Variants in AHCY observed in about 807,000 individuals in gnomAD.
AHCY encodes the protein S-adenosyl-L-homocysteine hydrolase.
AHCY carries 24 observed loss-of-function variants against 45.4 expected under a neutral mutation model. The ratio of observed to expected loss-of-function variants is 0.53; its 90% confidence interval spans 0.38 to 0.74. The LOEUF (loss-of-function observed/expected upper bound fraction) is 0.74. AHCY is among the 30% of genes least tolerant of loss of function. The probability of loss-of-function intolerance (pLI) is 0.00; values close to 1 mark genes in which losing one functional copy is unlikely to be tolerated. For missense variants in AHCY, 449 were observed against 594.1 expected (o/e 0.76, Z 2.54); for synonymous variants, 245 against 235.1 (o/e 1.04, Z -0.39).
chr20:34,305,919 T>C (rs1390286729), upstream of AHCY, among the ~76,000 whole-genome samples: 1 of 151,752 alleles, frequency 6.6e-6, no homozygotes, highest in African/African-American at 2.4e-5. Flanking sequence ...CTGTATCTAC[T>C]AAAAATACAA....
intron 1 of AHCY, among the ~76,000 whole-genome samples, chr20:34,309,954 G>A (rs2036931833): frequency 6.6e-6 from 1 of 151,736 alleles, no homozygotes; most frequent in African/African-American, 2.4e-5. Context: ...GGGAAGGGAA[G>A]GAAGGAAACA....
At chr20:34,249,306 C>T in the AHCY span, among the ~76,000 whole-genome samples, 2 of 151,724 alleles carry the variant, frequency 1.3e-5, no homozygotes, top group East Asian at 1.9e-4. Context: ...TCCCATCCCC[C>T]GCCCCCAATC....
At chr20:34,297,489 G>A (rs1373259004) in intron 1 of AHCY, among the ~76,000 whole-genome samples, 1 of 151,800 alleles carries the variant, frequency 6.6e-6, no homozygotes, top group Non-Finnish European at 1.5e-5. Flanking sequence ...GAGGAGACGG[G>A]GTTTCACCAT....
At chr20:34,236,415 G>A in the AHCY span, among the ~76,000 whole-genome samples, 29 of 152,148 alleles carry the variant, frequency 1.9e-4, no homozygotes, top group African/African-American at 4.1e-4. Context: ...ATGGTGGTGC[G>A]TGTCTGTAAT....
chr20:34,269,759 A>G, the AHCY span, among the ~76,000 whole-genome samples: 1 of 151,936 alleles, frequency 6.6e-6, no homozygotes, highest in Non-Finnish European at 1.5e-5. Context: ...ATCCTGACCA[A>G]TATGGAGAAA....
At chr20:34,275,042 T>C in the AHCY span, among the ~76,000 whole-genome samples, 1 of 151,594 alleles carries the variant, frequency 6.6e-6, no homozygotes, top group African/African-American at 2.4e-5. Flanking sequence ...AGCTGCACCA[T>C]GAAGGGATTG....
intron 3 of AHCY, 42 bp downstream of exon 3, chr20:34,294,039 T>C: frequency 1.9e-6 from 3 of 1,592,866 alleles, no homozygotes; most frequent in Non-Finnish European, 2.6e-6. Context: ...GAGGGCAGAA[T>C]CCCTTCACAA....
At chr20:34,277,319 T>C (rs2122701691), downstream of AHCY, among the ~76,000 whole-genome samples, 1 of 152,268 alleles carries the variant, frequency 6.6e-6, no homozygotes, top group African/African-American at 2.4e-5. Flanking sequence ...TTTCTCCACA[T>C]ACAAATGCTG....
chr20:34,263,911 T>C, the AHCY span, among the ~76,000 whole-genome samples: 2 of 152,108 alleles, frequency 1.3e-5, no homozygotes, highest in African/African-American at 4.8e-5. Flanking sequence ...CCTCAGGTGA[T>C]CCACCTGCCT....
chr20:34,252,714 A>T, the AHCY span, among the ~76,000 whole-genome samples: 1 of 151,784 alleles, frequency 6.6e-6, no homozygotes, highest in Non-Finnish European at 1.5e-5. Context: ...GGGTTGGGGG[A>T]TGGTAAGGTC....
At chr20:34,285,246 G>A (rs893077590) in intron 9 of AHCY, among the ~76,000 whole-genome samples, 194 bp downstream of exon 9, 5 of 152,156 alleles carry the variant, frequency 3.3e-5, no homozygotes, top group Non-Finnish European at 7.3e-5. Flanking sequence ...CTGTGCTCCA[G>A]GGAGCCACTC....
the AHCY span, chr20:34,260,680 C>A: frequency 1.0e-6 from 1 of 975,200 alleles, no homozygotes; most frequent in Non-Finnish European, 1.5e-6. Flanking sequence ...AATAAGGTGG[C>A]CCTTGACTCA....
At chr20:34,248,027 GA>G in the AHCY span, among the ~76,000 whole-genome samples, 1 of 152,152 alleles carries the variant, frequency 6.6e-6, no homozygotes, top group Non-Finnish European at 1.5e-5. Context: ...CCAACATGGT[GA>G]AACACTGTCG....
At chr20:34,285,820 C>A (rs543522473) in intron 8 of AHCY, among the ~76,000 whole-genome samples, 186 bp from the exon 9 acceptor site, 3 of 152,270 alleles carry the variant, frequency 2.0e-5, no homozygotes, top group African/African-American at 7.2e-5. Context: ...GTTGAGCTGG[C>A]CGGGGCACGG....
chr20:34,264,728 T>C, the AHCY span, among the ~76,000 whole-genome samples: 2 of 152,062 alleles, frequency 1.3e-5, no homozygotes, highest in Non-Finnish European at 2.9e-5. Context: ...TATATTTTCT[T>C]ATAATCGATC....
chr20:34,241,501 T>C, the AHCY span: 3 of 985,472 alleles, frequency 3.0e-6, no homozygotes, highest in Non-Finnish European at 3.6e-6. Flanking sequence ...TGAGTTTAGA[T>C]GGCAACTTTA....
intron 8 of AHCY, among the ~76,000 whole-genome samples, chr20:34,287,367 T>G (rs927156245): frequency 3.0e-4 from 44 of 147,242 alleles, no homozygotes; most frequent in African/African-American, 1.0e-3. Flanking sequence ...AGGAAGGGGG[T>G]CTCTTTTTTA....
chr20:34,253,412 C>T, the AHCY span, among the ~76,000 whole-genome samples: 3 of 150,502 alleles, frequency 2.0e-5, no homozygotes, highest in Non-Finnish European at 4.4e-5. Context: ...AGCCTGATCT[C>T]TCTTTCTTTT....
At chr20:34,254,927 C>T in the AHCY span, among the ~76,000 whole-genome samples, 2 of 152,152 alleles carry the variant, frequency 1.3e-5, no homozygotes, top group Admixed American at 6.5e-5. Context: ...CTCAGTCCAA[C>T]TGTATGGTTC....
Sources: gnomAD v4.1 joint callset for allele counts (sites outside exome capture counted in the v4.1 genomes callset) on GRCh38, gnomAD v4.1.1 for gene constraint, MANE v1.5 for transcripts, NCBI Gene and HGNC (gene_info 2026-07-23, HGNC 2026-07-21) for gene names.